Variants in PCDHGB1 observed in about 807,000 individuals in gnomAD.
PCDHGB1 encodes protocadherin gamma-B1.
Under a neutral mutation model 56.6 loss-of-function variants are expected in PCDHGB1, and 34 were observed. The ratio of observed to expected loss-of-function variants is 0.60; its 90% CI spans 0.46 to 0.80. The LOEUF is 0.80. PCDHGB1 is among the 30% of genes least tolerant of loss of function. PCDHGB1 has a pLI of 0.00. For missense variants in PCDHGB1, 1,278 were observed against 1,204.6 expected, an observed-to-expected ratio of 1.06 and a Z score of -0.90; for synonymous variants, 561 against 505.9, an observed-to-expected ratio of 1.11 and a Z score of -1.46.
In PCDHGB1 at chr5:141,360,565, G is replaced by A. The variant is rs180935383; in HGVS notation, c.2409+7896G>A. On this transcript the variant is annotated intron_variant, in intron 1 of 3. Coordinates refer to ENST00000523390, the MANE Select transcript of PCDHGB1 (RefSeq NM_018922.3). Reference sequence around the variant, plus strand: ...GACTAAGATTAATTTAAAAATTGGCGAATCCACTAAGCCAGGTACAACATT... The same window carrying A: ...GACTAAGATTAATTTAAAAATTGGCAAATCCACTAAGCCAGGTACAACATT... 1.0e-4 allele frequency: 167 copies of A among 1,613,896 alleles called. No homozygotes were observed. The African/African-American group carries it at 1.9e-3, about 18-fold the overall frequency.
chr5:141,393,108 A>G (rs1318511234), intron 1 of PCDHGB1: 6 of 1,613,438 alleles, frequency 3.7e-6, no homozygotes, highest in Non-Finnish European at 5.1e-6. Context: ...CTGCGCTCAG[A>G]GCCCGCGGTG....
At chr5:141,419,863 G>C in intron 1 of PCDHGB1, 1 of 1,614,108 alleles carries the variant, frequency 6.2e-7, no homozygotes, top group Non-Finnish European at 8.5e-7. Flanking sequence ...CAGATAGCTT[G>C]CAAGAGGTAC....
chr5:141,459,171 A>G (rs2098962477), intron 1 of PCDHGB1, among the ~76,000 whole-genome samples: 1 of 152,180 alleles, frequency 6.6e-6, no homozygotes, highest in Non-Finnish European at 1.5e-5. Flanking sequence ...ATAACCTTCA[A>G]AAGTTCCCTC....
At chr5:141,371,783 G>A in intron 1 of PCDHGB1, 1 of 1,613,986 alleles carries the variant, frequency 6.2e-7, no homozygotes, top group Non-Finnish European at 8.5e-7. Flanking sequence ...ATGTAGCTGA[G>A]AACAATCCGC....
rs1362496624 is a variant in PCDHGB1, at chr5:141,432,370, C to T, written c.2410-62437C>T. On this transcript the variant is annotated intron_variant, in intron 1 of 3. Coordinates refer to ENST00000523390, the MANE Select transcript of PCDHGB1 (RefSeq NM_018922.3). This position sits in a 1 kb window ranked among gnomAD's most constrained non-coding sequence, Gnocchi z 6.0. ...AAGTGAAAGTGATGGCGCGGGACAA[C>T]GGGCACCCGCCCCTCAGCAGCAACG... The T allele has an allele frequency of 6.2e-7, 1 of 1,614,240 alleles. No individual in the cohort carries two copies. Among genetic ancestry groups the T allele is most frequent in the Non-Finnish European group, 8.5e-7 (1 of 1,180,048 alleles).
In PCDHGB1 at chr5:141,486,421, G is replaced by C; in HGVS notation, c.2410-8386G>C. 1 of 1,614,152 alleles carries C rather than the reference G, an allele frequency of 6.2e-7. No individual in the cohort carries two copies. Among genetic ancestry groups the C allele is most frequent in the African/African-American group, 1.3e-5 (1 of 75,028 alleles). On this transcript the variant is annotated intron_variant, in intron 1 of 3. Coordinates refer to ENST00000523390, the MANE Select transcript of PCDHGB1 (RefSeq NM_018922.3). This position sits in a 1 kb window ranked among gnomAD's most constrained non-coding sequence, Gnocchi z 5.0. Reference sequence around the variant, plus strand: ...TGACTGCTGGACCCTTGGATCGAGAGGCCAAATCTAGCTATGACATCATGG... The same window carrying C: ...TGACTGCTGGACCCTTGGATCGAGACGCCAAATCTAGCTATGACATCATGG...
chr5:141,374,993 TC>T, intron 1 of PCDHGB1: 1 of 1,614,056 alleles, frequency 6.2e-7, no homozygotes, highest in Non-Finnish European at 8.5e-7. Context: ...AATTTCAACT[TC>T]TGCAAATCTA....
At position 141,491,679 on chromosome 5, in the gene PCDHGB1, T is replaced by C. The variant is rs111288145; in HGVS notation, c.2410-3128T>C. On this transcript the variant is annotated intron_variant, in intron 1 of 3. Coordinates refer to ENST00000523390, the MANE Select transcript of PCDHGB1 (RefSeq NM_018922.3). This position sits in a 1 kb window ranked among gnomAD's most constrained non-coding sequence, Gnocchi z 6.9. ...CTGACGCCATCCGGTCCCGCTCTAA[T>C]ACGCTGCGGGAGCGGAGCCAGGTGA... is the stretch of plus-strand genomic sequence containing the variant. 21 of 1,613,378 alleles carry C rather than the reference T, an allele frequency of 1.3e-5. No homozygotes were observed. Among genetic ancestry groups the C allele is most frequent in the Middle Eastern group, 1.6e-4 (1 of 6,078 alleles).
At chr5:141,428,197 G>C in intron 1 of PCDHGB1, 3 of 1,385,972 alleles carry the variant, frequency 2.2e-6, no homozygotes, top group Non-Finnish European at 3.0e-6. Flanking sequence ...CGCTCTCTGC[G>C]CCGCTACGCT....
At chr5:141,421,520 A>G (rs749034718) in intron 1 of PCDHGB1, 2 of 1,614,068 alleles carry the variant, frequency 1.2e-6, no homozygotes, top group Non-Finnish European at 8.5e-7. Flanking sequence ...GAGCTCTGTG[A>G]GACGGTGTCC....
intron 1 of PCDHGB1, chr5:141,394,343 C>T: frequency 1.2e-6 from 2 of 1,614,158 alleles, no homozygotes; most frequent in African/African-American, 1.3e-5. Context: ...TCAACTCTGA[C>T]ACCGGTGTCC....
rs779342119 is a variant in PCDHGB1 at position 141,360,661 on chromosome 5, G to A, written c.2409+7992G>A. 5 of 1,613,944 alleles carry A rather than the reference G, an allele frequency of 3.1e-6. No individual in the cohort carries two copies. The highest frequency in any genetic ancestry group is 4.2e-6 in the Non-Finnish European group (5 of 1,179,902). On this transcript the variant is annotated intron_variant, in intron 1 of 3. Coordinates refer to ENST00000523390, the MANE Select transcript of PCDHGB1 (RefSeq NM_018922.3). ...ACAAAGATACCACCTTAATGACAACGAGTACTTTGATCTCGCTGAGAAACA... is the reference window on the plus strand; with the variant it reads ...ACAAAGATACCACCTTAATGACAACAAGTACTTTGATCTCGCTGAGAAACA...
At chr5:141,507,724 G>A (rs2099862962) in intron 3 of PCDHGB1, among the ~76,000 whole-genome samples, 1 of 152,256 alleles carries the variant, frequency 6.6e-6, no homozygotes. Context: ...CTCCAAGCAA[G>A]TCATGCAGCT....
At position 141,362,507 on chromosome 5, in the gene PCDHGB1, C is replaced by T. The variant is rs746688845; in HGVS notation, c.2409+9838C>T. ...GACAATGCCTCTTGGGAACAAAATA[C>T]AAATCATGGAGCCGCTGGGGTCCCT... On this transcript the variant is annotated intron_variant, in intron 1 of 3. Transcript: ENST00000523390. 8 of 1,613,994 alleles carry T rather than the reference C, an allele frequency of 5.0e-6. No homozygotes were observed. The highest frequency in any genetic ancestry group is 5.9e-6 in the Non-Finnish European group (7 of 1,179,876).
intron 3 of PCDHGB1, among the ~76,000 whole-genome samples, chr5:141,508,871 A>T (rs981330486): frequency 5.3e-5 from 8 of 152,062 alleles, no homozygotes; most frequent in East Asian, 3.9e-4. Flanking sequence ...AAGGCTGAAG[A>T]GGCTGACGGC....
At chr5:141,414,225 G>A in intron 1 of PCDHGB1, 1 of 1,613,398 alleles carries the variant, frequency 6.2e-7, no homozygotes, top group Non-Finnish European at 8.5e-7. Context: ...ACAGTCCAGA[G>A]CTGACCATCA....
intron 1 of PCDHGB1, chr5:141,390,730 A>T (rs964390196): frequency 2.0e-5 from 4 of 195,852 alleles, no homozygotes; most frequent in Non-Finnish European, 3.1e-5. Flanking sequence ...TTTAACTGGT[A>T]TGGTCTCCAT....
At chr5:141,376,042 T>G (rs768343920) in intron 1 of PCDHGB1, 34 of 1,613,010 alleles carry the variant, frequency 2.1e-5, no homozygotes, top group Middle Eastern at 1.7e-4. Flanking sequence ...GCCAGCCCCC[T>G]CTCTCCGCCA....
intron 1 of PCDHGB1, chr5:141,389,075 A>T: frequency 6.2e-7 from 1 of 1,614,066 alleles, no homozygotes; most frequent in Non-Finnish European, 8.5e-7. Context: ...CTTCTTCAAG[A>T]AACACGTATA....
Sources: gnomAD v4.1 joint callset for allele counts (sites outside exome capture counted in the v4.1 genomes callset) on GRCh38, gnomAD v4.1.1 for gene constraint, Gnocchi (gnomAD v3.1) non-coding constraint, MANE v1.5 for transcripts, NCBI Gene and HGNC (gene_info 2026-07-23, HGNC 2026-07-21) for gene names.